DPP6: variants seen among roughly 807,000 people sequenced by gnomAD.
DPP6 encodes the protein A-type potassium channel modulatory protein DPP6.
Under a neutral mutation model 122.6 loss-of-function variants are expected in DPP6, and 69 were observed. The observed-to-expected ratio is 0.56, with a 90% CI of 0.46 to 0.69. DPP6 has a LOEUF of 0.69. Ranked by LOEUF, DPP6 falls within the 30% of genes least tolerant of loss-of-function variation. The probability of loss-of-function intolerance (pLI) is 0.00; values close to 1 mark genes in which losing one functional copy is unlikely to be tolerated. For missense variants in DPP6, 928 were observed against 1,116.9 expected, an observed-to-expected ratio of 0.83 and a Z score of 2.41; for synonymous variants, 418 against 433.1, an observed-to-expected ratio of 0.97 and a Z score of 0.43.
At chr7:154,679,683 G>C (rs1406736099) in intron 7 of DPP6, among the ~76,000 whole-genome samples, 5 of 152,186 alleles carry the variant, frequency 3.3e-5, no homozygotes, top group Non-Finnish European at 7.3e-5. Context: ...GAGAAGACCA[G>C]ACTAAAGTGA....
chr7:153,924,049 G>A (rs531976616), intron 1 of DPP6, among the ~76,000 whole-genome samples: 2 of 152,088 alleles, frequency 1.3e-5, no homozygotes, highest in South Asian at 2.1e-4. Flanking sequence ...CCCTGAGCTG[G>A]TTATGCAGTC....
At chr7:154,131,565 G>A (rs1795287092) in intron 1 of DPP6, among the ~76,000 whole-genome samples, 1 of 152,268 alleles carries the variant, frequency 6.6e-6, no homozygotes, top group African/African-American at 2.4e-5. Flanking sequence ...ATTACAATGT[G>A]CATCCAGGAA....
chr7:153,825,019 T>C, the DPP6 span, among the ~76,000 whole-genome samples: 1 of 152,102 alleles, frequency 6.6e-6, no homozygotes, highest in Non-Finnish European at 1.5e-5. Flanking sequence ...TCATCAGAGC[T>C]GTGGCCTCAG....
intron 1 of DPP6, among the ~76,000 whole-genome samples, chr7:154,133,088 A>C (rs1795370322): frequency 6.6e-6 from 1 of 152,288 alleles, no homozygotes; most frequent in East Asian, 1.9e-4. Context: ...ATCCCAAAAA[A>C]AAAGTAGCTC....
intron 4 of DPP6, among the ~76,000 whole-genome samples, chr7:154,564,104 G>A (rs905760738): frequency 3.3e-5 from 5 of 152,160 alleles, no homozygotes; most frequent in South Asian, 2.1e-4. Flanking sequence ...TCAGGGCTTC[G>A]AGGAGTAGAG....
chr7:154,015,753 C>T (rs910415073), intron 1 of DPP6, among the ~76,000 whole-genome samples: 1 of 152,124 alleles, frequency 6.6e-6, no homozygotes, highest in African/African-American at 2.4e-5. Flanking sequence ...ACCAGTCCAG[C>T]CCCAGCCACT....
chr7:154,354,077 TG>T (rs1418787212), intron 1 of DPP6, among the ~76,000 whole-genome samples: 4 of 152,146 alleles, frequency 2.6e-5, no homozygotes, highest in African/African-American at 9.6e-5. Context: ...AGTCTCCCTC[TG>T]TGCACCAGCC....
chr7:154,421,208 G>T (rs1817443745), intron 1 of DPP6, among the ~76,000 whole-genome samples: 1 of 152,102 alleles, frequency 6.6e-6, no homozygotes, highest in Admixed American at 6.5e-5. Context: ...GCAGGGTCTT[G>T]CATGGGGCAG....
intron 16 of DPP6, among the ~76,000 whole-genome samples, chr7:154,847,035 G>T (rs923955456): frequency 6.6e-6 from 1 of 152,166 alleles, no homozygotes; most frequent in Non-Finnish European, 1.5e-5. Context: ...CATAGTTGCT[G>T]TTAGGAACAA....
chr7:154,729,184 G>A (rs1842215989), intron 8 of DPP6, among the ~76,000 whole-genome samples: 1 of 152,102 alleles, frequency 6.6e-6, no homozygotes, highest in Admixed American at 6.5e-5. Flanking sequence ...TCCAGCATGG[G>A]GCTGATGAAC....
At chr7:154,019,371 C>T (rs148620291) in intron 1 of DPP6, among the ~76,000 whole-genome samples, 3,133 of 151,966 alleles carry the variant, frequency 0.021, 38 homozygotes, top group Non-Finnish European at 0.032. Flanking sequence ...TTTCTCTCTT[C>T]TCTTTCTATT....
intron 1 of DPP6, among the ~76,000 whole-genome samples, chr7:154,330,539 G>A (rs1808833237): frequency 6.6e-6 from 1 of 152,234 alleles, no homozygotes; most frequent in Non-Finnish European, 1.5e-5. Flanking sequence ...GTTTGACAAA[G>A]AGCAGATGTT....
intron 1 of DPP6, among the ~76,000 whole-genome samples, chr7:154,335,268 C>T (rs1224512781): frequency 2.6e-5 from 4 of 152,212 alleles, no homozygotes; most frequent in Non-Finnish European, 4.4e-5. Flanking sequence ...CAGGATGCTT[C>T]TCACATCTCT....
At chr7:153,909,311 A>G (rs186599047) in intron 1 of DPP6, among the ~76,000 whole-genome samples, 134 of 152,278 alleles carry the variant, frequency 8.8e-4, no homozygotes, top group African/African-American at 3.0e-3. Flanking sequence ...TCAGCAGAGC[A>G]GGGGCTGGGC....
Position 154,875,970 on chromosome 7 carries a change from G to T in DPP6, c.1948G>T (p.Val650Leu), listed in dbSNP as rs1584955669. ...CGAGGTGAGCTGGGAGACGGTGATG[G>T]TGAGCAGCCACGGCGCGGTGGTGGT... ...KFEVSWETVMVSSHGAVVVKC... is the reference protein window; with the variant it reads ...KFEVSWETVMLSSHGAVVVKC... Residue 650 changes from valine (V) to leucine (L), a missense_variant, in exon 20 of 26, where the codon GTG (valine) becomes TTG (leucine). Physicochemically the swap from Val to Leu is conservative, Grantham distance 32. Transcript: ENST00000377770. This position sits in a 1 kb window ranked among gnomAD's most constrained non-coding sequence, Gnocchi z 4.5. 1 of 1,613,594 alleles carries T rather than the reference G, an allele frequency of 6.2e-7. No individual in the cohort carries two copies. Among genetic ancestry groups the T allele is most frequent in the Non-Finnish European group, 8.5e-7 (1 of 1,179,778 alleles).
At chr7:154,746,670 T>C (rs899581419) in intron 8 of DPP6, among the ~76,000 whole-genome samples, 3 of 152,204 alleles carry the variant, frequency 2.0e-5, no homozygotes, top group African/African-American at 7.2e-5. Flanking sequence ...GTTCACTCAA[T>C]TTTCAACTTC....
At chr7:154,787,966 A>G (rs1380858439) in intron 10 of DPP6, among the ~76,000 whole-genome samples, 1 of 152,092 alleles carries the variant, frequency 6.6e-6, no homozygotes, top group Non-Finnish European at 1.5e-5. Context: ...CCTACAAACT[A>G]TTTGCCCAGT....
At chr7:153,899,104 A>ACCTCCTCTTCACTCTCTCT (rs567295590) in intron 1 of DPP6, among the ~76,000 whole-genome samples, 134 of 148,936 alleles carry the variant, frequency 9.0e-4, no homozygotes, top group Middle Eastern at 3.4e-3. Context: ...ATTCCTCCCC[A>ACCTCCTCTTCACTCTCTCT]CCTCCTCTTC....
At chr7:154,020,322 G>A (rs1315609322) in intron 1 of DPP6, among the ~76,000 whole-genome samples, 1 of 151,180 alleles carries the variant, frequency 6.6e-6, no homozygotes, top group Non-Finnish European at 1.5e-5. Flanking sequence ...GATGAGAGAA[G>A]GAAGGAGAAA....
Sources: allele counts gnomAD v4.1 joint callset (sites outside exome capture counted in the v4.1 genomes callset), GRCh38; gene constraint gnomAD v4.1.1; non-coding constraint Gnocchi (gnomAD v3.1); transcripts MANE v1.5; gene names NCBI Gene and HGNC (gene_info 2026-07-23, HGNC 2026-07-21).